Variants in LRFN2 observed in about 807,000 individuals in gnomAD.
The protein encoded by LRFN2 is leucine-rich repeat and fibronectin type-III domain-containing protein 2.
In LRFN2, 18 loss-of-function variants were observed where a neutral mutation model predicts 37.3. The observed-to-expected ratio is 0.48, with a 90% CI of 0.33 to 0.72. LRFN2 has a LOEUF of 0.72. Among genes scored for constraint, LRFN2 ranks in the 30% least tolerant of loss-of-function variants. The probability of loss-of-function intolerance (pLI) is 0.02; values close to 1 mark genes in which losing one functional copy is unlikely to be tolerated. For synonymous variants in LRFN2, 556 were observed against 466.6 expected (o/e 1.19, Z -2.47); for missense variants, 1,006 against 1,060.7 (o/e 0.95, Z 0.72).
chr6:40,556,515 TGATTCTGCAGAA>T, intron 1 of LRFN2, among the ~76,000 whole-genome samples: 1 of 152,228 alleles, frequency 6.6e-6, no homozygotes, highest in Middle Eastern at 3.4e-3. Context: ...ACCTGCACCC[TGATTCTGCAGAA>T]GACTTTGCCA....
intron 1 of LRFN2, among the ~76,000 whole-genome samples, chr6:40,449,433 C>G (rs1414000553): frequency 6.6e-6 from 1 of 152,212 alleles, no homozygotes; most frequent in African/African-American, 2.4e-5. Flanking sequence ...TAGTTCTAAC[C>G]AAAGGGTTGT....
chr6:40,560,648 G>C (rs9471375), intron 1 of LRFN2, among the ~76,000 whole-genome samples: 1,776 of 152,250 alleles, frequency 0.012, 29 homozygotes, highest in African/African-American at 0.038. Context: ...TGATCCATCG[G>C]TTGGTCATGG....
chr6:40,509,177 C>T (rs1765625241), intron 1 of LRFN2, among the ~76,000 whole-genome samples: 1 of 152,254 alleles, frequency 6.6e-6, no homozygotes, highest in Non-Finnish European at 1.5e-5. Context: ...TGACACACTC[C>T]ACATAACTTC....
intron 1 of LRFN2, among the ~76,000 whole-genome samples, chr6:40,454,194 G>C (rs1204979987): frequency 6.6e-6 from 1 of 152,220 alleles, no homozygotes. Flanking sequence ...AGACAAAGAT[G>C]TTTGATAATA....
chr6:40,437,461 G>A (rs1763712684), intron 1 of LRFN2, among the ~76,000 whole-genome samples: 1 of 152,132 alleles, frequency 6.6e-6, no homozygotes, highest in African/African-American at 2.4e-5. Flanking sequence ...AAACAGTTGT[G>A]TCCTTGTAAA....
chr6:40,434,171 C>T (rs990560922), intron 1 of LRFN2, among the ~76,000 whole-genome samples: 1 of 152,222 alleles, frequency 6.6e-6, no homozygotes, highest in Non-Finnish European at 1.5e-5. Flanking sequence ...GAAGAAGGGA[C>T]CTCTTTTCAT....
chr6:40,482,761 TC>T (rs1176387368), intron 1 of LRFN2, among the ~76,000 whole-genome samples: 1 of 151,810 alleles, frequency 6.6e-6, no homozygotes, highest in Non-Finnish European at 1.5e-5. Flanking sequence ...AGGCCCTGCC[TC>T]CCCCTCCTGG....
At chr6:40,480,594 C>T (rs1228513492) in intron 1 of LRFN2, among the ~76,000 whole-genome samples, 1 of 152,094 alleles carries the variant, frequency 6.6e-6, no homozygotes. Context: ...AGACTCTTAA[C>T]CACCATGTAC....
At chr6:40,497,100 G>A (rs1765246324) in intron 1 of LRFN2, among the ~76,000 whole-genome samples, 1 of 152,154 alleles carries the variant, frequency 6.6e-6, no homozygotes, top group Admixed American at 6.5e-5. Flanking sequence ...TGGGAGGAGA[G>A]AAGTTTATAG....
chr6:40,546,815 C>T (rs1021070385), intron 1 of LRFN2, among the ~76,000 whole-genome samples: 1 of 152,186 alleles, frequency 6.6e-6, no homozygotes, highest in African/African-American at 2.4e-5. Context: ...GGTATAATAA[C>T]AGGCCTAGAG....
At chr6:40,497,634 C>T (rs867717256) in intron 1 of LRFN2, among the ~76,000 whole-genome samples, 5 of 152,134 alleles carry the variant, frequency 3.3e-5, no homozygotes, top group Non-Finnish European at 5.9e-5. Flanking sequence ...GGAAAGGGCT[C>T]GGAAGGGTAG....
intron 1 of LRFN2, among the ~76,000 whole-genome samples, chr6:40,551,284 T>A (rs1196005669): frequency 6.6e-6 from 1 of 152,130 alleles, no homozygotes; most frequent in African/African-American, 2.4e-5. Flanking sequence ...TGAGGTAGGG[T>A]CTCTGTCCTT....
chr6:40,557,167 C>T (rs756401712), intron 1 of LRFN2, among the ~76,000 whole-genome samples: 1 of 152,160 alleles, frequency 6.6e-6, no homozygotes, highest in Non-Finnish European at 1.5e-5. Context: ...GAGACAGTGC[C>T]TCCTCACTCA....
chr6:40,499,905 A>C (rs1765331286), intron 1 of LRFN2, among the ~76,000 whole-genome samples: 1 of 152,232 alleles, frequency 6.6e-6, no homozygotes, highest in South Asian at 2.1e-4. Context: ...AAATGGGAAG[A>C]ACAGCAGCAC....
intron 1 of LRFN2, among the ~76,000 whole-genome samples, chr6:40,489,000 C>T (rs1581744199): frequency 2.6e-5 from 4 of 152,250 alleles, no homozygotes; most frequent in East Asian, 1.9e-4. Context: ...AAGGTGTTGG[C>T]GTAAAGACTT....
At chr6:40,443,959 A>G (rs1285002197) in intron 1 of LRFN2, among the ~76,000 whole-genome samples, 2 of 152,160 alleles carry the variant, frequency 1.3e-5, no homozygotes, top group Admixed American at 6.5e-5. Flanking sequence ...CAACCCACTG[A>G]CAACCTAGGG....
At chr6:40,554,722 A>G (rs1561905937) in intron 1 of LRFN2, among the ~76,000 whole-genome samples, 3 of 152,166 alleles carry the variant, frequency 2.0e-5, no homozygotes, top group Non-Finnish European at 1.5e-5. Flanking sequence ...AAAGTCTCAA[A>G]CACTGTTTTT....
chr6:40,398,522 C>T (rs768583965), intron 2 of LRFN2, among the ~76,000 whole-genome samples: 4 of 151,652 alleles, frequency 2.6e-5, no homozygotes, highest in Non-Finnish European at 4.4e-5. Flanking sequence ...GAGTGGATCC[C>T]GAGGGACAAT....
intron 1 of LRFN2, among the ~76,000 whole-genome samples, chr6:40,444,608 C>T (rs1393841163): frequency 6.6e-6 from 1 of 152,164 alleles, no homozygotes; most frequent in Non-Finnish European, 1.5e-5. Flanking sequence ...CATAGGAGTT[C>T]TATAAGCTGG....
Sources: allele counts gnomAD v4.1 joint callset (sites outside exome capture counted in the v4.1 genomes callset), GRCh38; gene constraint gnomAD v4.1.1; transcripts MANE v1.5; gene names NCBI Gene and HGNC (gene_info 2026-07-23, HGNC 2026-07-21).